Variants in CSMD2 observed in about 807,000 individuals in gnomAD.
CSMD2 encodes the protein CUB and sushi domain-containing protein 2.
Under a neutral mutation model 398.5 loss-of-function variants are expected in CSMD2, and 130 were observed. The ratio of observed to expected loss-of-function variants is 0.33; its 90% CI spans 0.28 to 0.38. The LOEUF (loss-of-function observed/expected upper bound fraction) is 0.38, where lower values mean the gene tolerates loss of function less well. Ranked by LOEUF, CSMD2 falls within the 10% of genes least tolerant of loss-of-function variation. The pLI is 1.00. For missense variants in CSMD2, 3,829 were observed against 4,764.9 expected (o/e 0.80, Z 5.78); for synonymous variants, 1,828 against 1,908.5 (o/e 0.96, Z 1.10).
intron 2 of CSMD2, among the ~76,000 whole-genome samples, chr1:34,060,500 G>A (rs927954815): frequency 1.3e-5 from 2 of 152,156 alleles, no homozygotes; most frequent in Non-Finnish European, 2.9e-5. Context: ...AGGCAACTGC[G>A]GCAGCCTGGG....
intron 3 of CSMD2, among the ~76,000 whole-genome samples, chr1:33,985,537 C>G (rs1450992240): frequency 2.0e-5 from 3 of 152,182 alleles, no homozygotes; most frequent in African/African-American, 7.2e-5. Context: ...TAGGAAAGAT[C>G]AAGCCAGTGG....
chr1:33,605,555 G>T, intron 41 of CSMD2, 85 bp from the exon 42 acceptor site: 1 of 1,385,412 alleles, frequency 7.2e-7, no homozygotes, highest in East Asian at 2.3e-5. Flanking sequence ...GAAGCCTCAA[G>T]ATTTGGACTC....
intron 8 of CSMD2, among the ~76,000 whole-genome samples, chr1:33,820,185 T>C (rs564542019): frequency 3.9e-5 from 6 of 152,320 alleles, no homozygotes; most frequent in African/African-American, 1.4e-4. Context: ...AGTTGCCTTC[T>C]GGCGTGTCAT....
intron 1 of CSMD2, among the ~76,000 whole-genome samples, chr1:34,129,382 T>C (rs1663089990): frequency 6.6e-6 from 1 of 152,220 alleles, no homozygotes; most frequent in Non-Finnish European, 1.5e-5. Flanking sequence ...CTGGGCGCAG[T>C]GGCTCACGCC....
chr1:34,017,534 A>C (rs1648295535), intron 3 of CSMD2, among the ~76,000 whole-genome samples: 1 of 152,210 alleles, frequency 6.6e-6, no homozygotes, highest in Non-Finnish European at 1.5e-5. Flanking sequence ...AGATGGAAGG[A>C]TCATTTGAGC....
chr1:33,854,136 T>G (rs2125096632), intron 5 of CSMD2, among the ~76,000 whole-genome samples: 1 of 152,358 alleles, frequency 6.6e-6, no homozygotes, highest in East Asian at 1.9e-4. Context: ...AGCCCCTGGC[T>G]CAGGAAACCT....
chr1:33,556,630 C>G (rs181724170), intron 55 of CSMD2, among the ~76,000 whole-genome samples: 17 of 152,258 alleles, frequency 1.1e-4, no homozygotes, highest in Admixed American at 7.8e-4. Context: ...GGCCAGGGAC[C>G]AGATGTCAGG....
upstream of CSMD2, chr1:34,165,662 A>G (rs1166326196): frequency 1.3e-5 from 17 of 1,273,168 alleles, no homozygotes; most frequent in East Asian, 2.1e-4. Context: ...ACATACACGC[A>G]CACCTCTTCC....
chr1:33,927,322 A>C (rs1644160951), intron 4 of CSMD2, among the ~76,000 whole-genome samples: 1 of 152,042 alleles, frequency 6.6e-6, no homozygotes, highest in African/African-American at 2.4e-5. Context: ...TGAGAACATC[A>C]CTATTGCTCC....
intron 3 of CSMD2, among the ~76,000 whole-genome samples, chr1:34,008,413 T>C (rs1044836536): frequency 6.6e-6 from 1 of 152,230 alleles, no homozygotes; most frequent in Non-Finnish European, 1.5e-5. Context: ...ACCATGTTGT[T>C]TCTTCTCATA....
intron 3 of CSMD2, among the ~76,000 whole-genome samples, chr1:33,969,743 G>A (rs59698517): frequency 0.052 from 7,888 of 152,146 alleles, 306 homozygotes; most frequent in East Asian, 0.18. Context: ...TTAGATGAAT[G>A]AATGAATGAG....
intron 25 of CSMD2, among the ~76,000 whole-genome samples, chr1:33,691,791 G>A (rs1281220895): frequency 6.6e-6 from 1 of 152,102 alleles, no homozygotes; most frequent in African/African-American, 2.4e-5. Flanking sequence ...CCATAACCAG[G>A]CTATACTTTA....
chr1:33,677,243 T>C (rs554530737), intron 25 of CSMD2, among the ~76,000 whole-genome samples: 1 of 152,078 alleles, frequency 6.6e-6, no homozygotes, highest in South Asian at 2.1e-4. Context: ...GAATCTACAG[T>C]GAACTCAAAC....
At chr1:34,090,089 T>G (rs1256934787) in intron 1 of CSMD2, among the ~76,000 whole-genome samples, 3 of 152,210 alleles carry the variant, frequency 2.0e-5, no homozygotes, top group African/African-American at 7.2e-5. Flanking sequence ...GTTAATTTAC[T>G]GCTCAGTGCC....
rs141028161 is a variant in CSMD2, at chr1:33,904,853, A to G, written c.920+13241T>C. Among the ~76,000 whole-genome samples the G allele has an allele frequency of 6.4e-3, 974 of 152,270 alleles. 7 individuals are homozygous for G. Among genetic ancestry groups the G allele is most frequent in the Non-Finnish European group, 8.5e-3 (580 of 68,014 alleles). The stretch of plus-strand genomic sequence containing the variant: ...AATAGACATGGGGTTTCACCGTGTT[A>G]GCCAGGATGGTCTCAATCTCCTGAC... On this transcript the variant is annotated intron_variant, in intron 5 of 70. Transcript: ENST00000373381.
intron 4 of CSMD2, among the ~76,000 whole-genome samples, chr1:33,935,406 T>TGTTGG (rs1019540130): frequency 5.3e-4 from 81 of 152,260 alleles, no homozygotes; most frequent in African/African-American, 1.8e-3. Context: ...GTACGAAAGC[T>TGTTGG]GTTGGGAAAG....
At chr1:33,675,244 C>A (rs1296820060) in intron 25 of CSMD2, among the ~76,000 whole-genome samples, 4 of 152,094 alleles carry the variant, frequency 2.6e-5, no homozygotes, top group African/African-American at 9.6e-5. Flanking sequence ...AGAGAAGAAT[C>A]AAATAGATGC....
chr1:34,108,735 G>A (rs1488454209), intron 1 of CSMD2, among the ~76,000 whole-genome samples: 2 of 152,120 alleles, frequency 1.3e-5, no homozygotes, highest in Non-Finnish European at 1.5e-5. Flanking sequence ...AGAGAGCACT[G>A]CAGCTCCATT....
At position 33,587,114 on chromosome 1, in the gene CSMD2, A is replaced by C; in HGVS notation, c.6911T>G (p.Val2304Gly). 1 of 1,609,312 alleles carries C rather than the reference A, an allele frequency of 6.2e-7. No individual in the cohort carries two copies. The highest frequency in any genetic ancestry group is 8.5e-7 in the Non-Finnish European group (1 of 1,178,130). Residue 2304 changes from valine to glycine, a missense_variant, in exon 45 of 71, where the codon GTC becomes GGC. Val to Gly is a moderately radical substitution (Grantham distance 109). Around this residue, in one of 5 missense-constraint regions of CSMD2, gnomAD observed 723 missense variants for 758.6 expected, o/e 0.95. Transcript: ENST00000373381. ...PPTILPNAEV[V>G]TENEEFNIGD... The stretch of plus-strand genomic sequence containing the variant: ...TATATTGAATTCTTCATTCTCTGTG[A>C]CGACTTCGGCGTTGGGGAGGATGGT...
Sources: allele counts gnomAD v4.1 joint callset (sites outside exome capture counted in the v4.1 genomes callset), GRCh38; gene constraint gnomAD v4.1.1; regional missense constraint gnomAD v4.1.1; transcripts MANE v1.5; gene names NCBI Gene and HGNC (gene_info 2026-07-23, HGNC 2026-07-21).